The following SPATA16 variants were observed in gnomAD, a reference collection of about 807,000 sequenced individuals.
SPATA16 encodes the protein spermatogenesis-associated protein 16.
A neutral mutation model predicts 63.3 loss-of-function variants in SPATA16; 36 were observed. The observed-to-expected ratio is 0.57, with a 90% CI of 0.44 to 0.75. The LOEUF is 0.75. Among genes scored for constraint, SPATA16 ranks in the 30% least tolerant of loss-of-function variants. The pLI is 0.00. For missense variants in SPATA16, 646 were observed against 679.3 expected (o/e 0.95, Z 0.54); for synonymous variants, 203 against 216.7 (o/e 0.94, Z 0.56).
chr3:173,031,819 G>T (rs1212431695), intron 3 of SPATA16, among the ~76,000 whole-genome samples: 2 of 152,160 alleles, frequency 1.3e-5, no homozygotes, highest in South Asian at 2.1e-4. Flanking sequence ...AAAAGTTCAT[G>T]CAGTCAGTTT....
chr3:172,997,105 G>C (rs927629245), intron 4 of SPATA16, among the ~76,000 whole-genome samples: 9 of 152,126 alleles, frequency 5.9e-5, no homozygotes, highest in Non-Finnish European at 1.3e-4. Context: ...CAGTGTGCAG[G>C]TTTTTGTGTG....
intron 3 of SPATA16, among the ~76,000 whole-genome samples, chr3:173,028,003 CTCCCTCCCTCCCTTCCTTCT>C (rs1577138634): frequency 4.2e-5 from 3 of 71,420 alleles, no homozygotes; most frequent in African/African-American, 1.9e-4. Flanking sequence ...CCCTCCCTCC[CTCCCTCCCTCCCTTCCTTCT>C]TTCCTTCCTT....
At chr3:172,988,628 T>C (rs1412056004) in intron 4 of SPATA16, among the ~76,000 whole-genome samples, 2 of 152,198 alleles carry the variant, frequency 1.3e-5, no homozygotes, top group African/African-American at 4.8e-5. Flanking sequence ...TATTTTGAAG[T>C]TGAATTTTAC....
chr3:172,974,611 G>T (rs1203439934), intron 5 of SPATA16, among the ~76,000 whole-genome samples: 1 of 151,892 alleles, frequency 6.6e-6, no homozygotes, highest in East Asian at 1.9e-4. Flanking sequence ...GTGAGTGAAT[G>T]GTTTGGTGTG....
chr3:172,969,332 G>C (rs553971881), intron 5 of SPATA16, among the ~76,000 whole-genome samples: 1 of 152,144 alleles, frequency 6.6e-6, no homozygotes, highest in Non-Finnish European at 1.5e-5. Context: ...TGCATTGTCA[G>C]GTAGGCAGGA....
At chr3:172,971,895 T>C (rs1340601566) in intron 5 of SPATA16, among the ~76,000 whole-genome samples, 6 of 152,080 alleles carry the variant, frequency 3.9e-5, no homozygotes, top group Non-Finnish European at 7.4e-5. Context: ...GTGACAATCA[T>C]GTAAAGAGAA....
At chr3:173,059,832 CTTTTTTTTTTTTTTTTTTTT>C (rs201000096) in intron 2 of SPATA16, among the ~76,000 whole-genome samples, 15,849 of 72,974 alleles carry the variant, frequency 0.22, 1,370 homozygotes, top group East Asian at 0.39. Flanking sequence ...CATTTGGTAG[CTTTTTTTTTTTTTTTTTTTT>C]TTTTTTTTTT....
At chr3:173,002,523 C>CTAGTCTGCCAT (rs1734848984) in intron 4 of SPATA16, among the ~76,000 whole-genome samples, 1 of 152,092 alleles carries the variant, frequency 6.6e-6, no homozygotes, top group Non-Finnish European at 1.5e-5. Context: ...AGAAAGTCTT[C>CTAGTCTGCCAT]CTTGGGAATT....
At chr3:173,122,577 A>G (rs939333133) in intron 1 of SPATA16, among the ~76,000 whole-genome samples, 1 of 152,320 alleles carries the variant, frequency 6.6e-6, no homozygotes, top group Admixed American at 6.5e-5. Context: ...TGAGAAAAAA[A>G]CACCTTGCTT....
intron 5 of SPATA16, among the ~76,000 whole-genome samples, chr3:172,968,522 C>T (rs747439186): frequency 5.3e-5 from 8 of 152,084 alleles, no homozygotes; most frequent in Non-Finnish European, 1.0e-4. Flanking sequence ...CTTGACAGTC[C>T]GTCTAAATCA....
At chr3:173,116,636 A>T (rs1314660439) in intron 2 of SPATA16, among the ~76,000 whole-genome samples, 2 of 152,224 alleles carry the variant, frequency 1.3e-5, no homozygotes, top group African/African-American at 4.8e-5. Context: ...TTTTGTTTGT[A>T]ATAAGTATCA....
intron 5 of SPATA16, among the ~76,000 whole-genome samples, chr3:172,970,262 T>G (rs1734019188): frequency 6.6e-6 from 1 of 152,178 alleles, no homozygotes; most frequent in South Asian, 2.1e-4. Flanking sequence ...ATGTCCATTG[T>G]CTTCGAAAGG....
At chr3:173,130,351 T>G (rs1299787856) in intron 1 of SPATA16, among the ~76,000 whole-genome samples, 2 of 130,770 alleles carry the variant, frequency 1.5e-5, no homozygotes, top group African/African-American at 6.0e-5. Context: ...AGAGTGAGAC[T>G]TCGTCTCAAA....
intron 4 of SPATA16, among the ~76,000 whole-genome samples, chr3:173,011,471 G>A (rs1735073326): frequency 6.6e-6 from 1 of 152,120 alleles, no homozygotes; most frequent in South Asian, 2.1e-4. Flanking sequence ...ATGAGATCAG[G>A]TGCATTCAGG....
At chr3:172,945,822 C>A (rs903705486) in intron 6 of SPATA16, among the ~76,000 whole-genome samples, 6 of 152,192 alleles carry the variant, frequency 3.9e-5, no homozygotes, top group Middle Eastern at 6.8e-3. Context: ...GCTACAAGGA[C>A]CTCAATTATT....
intron 2 of SPATA16, among the ~76,000 whole-genome samples, chr3:173,080,376 T>G (rs1319925921): frequency 1.3e-5 from 2 of 151,942 alleles, no homozygotes; most frequent in East Asian, 3.9e-4. Context: ...CTGAACAGAG[T>G]ATTTCCCTTA....
rs944724826 is a variant in SPATA16 at position 173,005,342 on chromosome 3, A to G, written c.848+14144T>C. Among the ~76,000 whole-genome samples the G allele has an allele frequency of 1.1e-3, 166 of 151,628 alleles. 2 individuals are homozygous for G. The highest frequency in any genetic ancestry group is 3.9e-3 in the African/African-American group (162 of 41,400). On this transcript the variant is annotated intron_variant, in intron 4 of 10. Transcript: ENST00000351008. The stretch of plus-strand genomic sequence containing the variant: ...TGTCTCAAAAGAAAAAAAAAAAAAA[A>G]AAAAAGAAAATGTAGAATCAGGAGG...
intron 4 of SPATA16, among the ~76,000 whole-genome samples, chr3:172,998,656 GT>G (rs1204421930): frequency 6.6e-6 from 1 of 152,102 alleles, no homozygotes; most frequent in Admixed American, 6.5e-5. Flanking sequence ...TCACCATTAA[GT>G]GCAATGTTAG....
At chr3:172,996,443 T>A (rs1734693729) in intron 4 of SPATA16, among the ~76,000 whole-genome samples, 1 of 152,138 alleles carries the variant, frequency 6.6e-6, no homozygotes, top group South Asian at 2.1e-4. Flanking sequence ...TACTAGTGGA[T>A]GTTTTAAAAA....
Sources: allele counts gnomAD v4.1 joint callset (sites outside exome capture counted in the v4.1 genomes callset), GRCh38; gene constraint gnomAD v4.1.1; transcripts MANE v1.5; gene names NCBI Gene and HGNC (gene_info 2026-07-23, HGNC 2026-07-21).